The following MTA3 variants were observed in gnomAD, a reference collection of about 807,000 sequenced individuals.
The protein encoded by MTA3 is metastasis-associated protein MTA3.
MTA3 carries 34 observed loss-of-function variants against 83.5 expected under a neutral mutation model. The observed-to-expected ratio is 0.41, with a 90% CI of 0.31 to 0.54. The LOEUF (loss-of-function observed/expected upper bound fraction) is 0.54. MTA3 is among the 20% of genes least tolerant of loss of function. The pLI, the probability that MTA3 is intolerant of heterozygous loss-of-function variation, is 0.33. For synonymous variants in MTA3, 303 were observed against 252.7 expected, an observed-to-expected ratio of 1.20 and a Z score of -1.89; for missense variants, 761 against 726.4, an observed-to-expected ratio of 1.05 and a Z score of -0.55.
chr2:42,566,617 C>T (rs113963561), upstream of MTA3, among the ~76,000 whole-genome samples: 699 of 152,242 alleles, frequency 4.6e-3, 7 homozygotes, highest in African/African-American at 0.016. Flanking sequence ...GGAGTTTTCT[C>T]GGCATCTTTC....
chr2:42,612,435 T>C (rs1684339366), intron 4 of MTA3, among the ~76,000 whole-genome samples: 2 of 152,150 alleles, frequency 1.3e-5, no homozygotes, highest in Admixed American at 1.3e-4. Context: ...AGACTGGTCT[T>C]GAACTCTTGA....
At chr2:42,541,062 G>C (rs190949532) in intron 2 of MTA3, among the ~76,000 whole-genome samples, 1 of 138,150 alleles carries the variant, frequency 7.2e-6, no homozygotes, top group African/African-American at 2.7e-5. Flanking sequence ...ATGGAGTTTT[G>C]CTCTTGTTGC....
chr2:42,603,054 T>C (rs578140024), intron 3 of MTA3, among the ~76,000 whole-genome samples: 15 of 152,178 alleles, frequency 9.9e-5, no homozygotes, highest in Non-Finnish European at 1.6e-4. Flanking sequence ...GGTAGGACTT[T>C]TATGGCTTCC....
chr2:42,675,696 C>G (rs1040013710), intron 8 of MTA3, among the ~76,000 whole-genome samples: 1 of 152,084 alleles, frequency 6.6e-6, no homozygotes, highest in African/African-American at 2.4e-5. Context: ...TTTGTGTTAT[C>G]TTACTGATAA....
rs1436417871 is a variant in MTA3, at chr2:42,692,714, A to G, written c.892-3051A>G. On this transcript the variant is annotated intron_variant, in intron 9 of 16. Coordinates refer to ENST00000405094, the MANE Select transcript of MTA3 (RefSeq NM_001330442.2). ...AGCGCTGGGATTACAGGCATGAGCC[A>G]CTGTGCCCAGCCAGCTATTTTGAAT... Among the ~76,000 whole-genome samples the G allele has an allele frequency of 4.6e-5, 7 of 152,324 alleles. No individual in the cohort carries two copies. In the South Asian group the frequency reaches 8.3e-4, roughly 18 times the overall value.
In MTA3 at chr2:42,659,790, G is replaced by A. The variant is rs553738783; in HGVS notation, c.630G>A (p.Leu210=). The A allele has an allele frequency of 3.1e-6, 5 of 1,605,958 alleles. No individual in the cohort carries two copies. In the African/African-American group the frequency reaches 5.4e-5, roughly 17 times the overall value. Residue 210 remains leucine (L), a synonymous_variant, in exon 8 of 17, where the codon CTG becomes CTA. Coordinates refer to ENST00000405094, the MANE Select transcript of MTA3 (RefSeq NM_001330442.2). Reference sequence around the variant, plus strand: ...CTGTTGGGACATTCGCCAGAGCCCTGGATTGCAGCAGTTCTGTGAGGCAGC... The same window carrying A: ...CTGTTGGGACATTCGCCAGAGCCCTAGATTGCAGCAGTTCTGTGAGGCAGC... ...ARAVGTFARA[L]DCSSSVRQPS... is the part of the protein sequence containing the mutation.
chr2:42,608,068 T>A (rs1008483570), intron 3 of MTA3, among the ~76,000 whole-genome samples: 1 of 152,242 alleles, frequency 6.6e-6, no homozygotes, highest in Admixed American at 6.5e-5. Flanking sequence ...TGTCTTTGGT[T>A]AGGTTGGATT....
intron 8 of MTA3, among the ~76,000 whole-genome samples, chr2:42,662,865 G>C (rs1381911684): frequency 6.6e-6 from 1 of 151,764 alleles, no homozygotes; most frequent in Non-Finnish European, 1.5e-5. Context: ...CCGAGTAGCT[G>C]GGATTACAGG....
At chr2:42,547,309 T>G (rs1432903121) in intron 2 of MTA3, among the ~76,000 whole-genome samples, 1 of 152,204 alleles carries the variant, frequency 6.6e-6, no homozygotes, top group Non-Finnish European at 1.5e-5. Context: ...AACAGCTGGC[T>G]TGGTTACAGC....
In MTA3 at chr2:42,708,037, C is replaced by T; in HGVS notation, c.1285C>T (p.Pro429Ser). The change falls in exon 13 of 17, where the codon CCT becomes TCT. Residue 429 changes from proline to serine, a missense_variant. By Grantham distance (74) the Pro-to-Ser change is moderately conservative. Coordinates refer to ENST00000405094, the MANE Select transcript of MTA3 (RefSeq NM_001330442.2). ...CCAGTCAGAAGAAGAGAAGTTATCT[C>T]CTAGCCCAACTACAGAGGTACAGTA... Reference protein sequence around the residue: ...PTQSEEEKLSPSPTTEDPRVR... With the variant: ...PTQSEEEKLSSSPTTEDPRVR... 2.5e-6 allele frequency: 4 copies of T among 1,609,600 alleles called. No individual in the cohort carries two copies. Among genetic ancestry groups the T allele is most frequent in the Non-Finnish European group, 3.4e-6 (4 of 1,178,790 alleles).
intron 14 of MTA3, among the ~76,000 whole-genome samples, chr2:42,713,693 C>G (rs1050164523): frequency 1.3e-5 from 2 of 152,154 alleles, no homozygotes; most frequent in East Asian, 3.8e-4. Context: ...TATTAACATA[C>G]TGTCTATATT....
intron 6 of MTA3, among the ~76,000 whole-genome samples, 188 bp from the exon 7 acceptor site, chr2:42,656,012 T>C (rs1689140865): frequency 6.6e-6 from 1 of 152,252 alleles, no homozygotes; most frequent in Admixed American, 6.5e-5. Context: ...TCGGTTAGTT[T>C]GGTGTCATTA....
chr2:42,669,947 T>C lies in MTA3; in HGVS notation c.702+10085T>C, dbSNP rs1242467037. Among the ~76,000 whole-genome samples, 2 of 152,118 alleles carry C rather than the reference T, an allele frequency of 1.3e-5. 1 individual carries two copies. The highest frequency in any genetic ancestry group is 1.3e-4 in the Admixed American group (2 of 15,260). The stretch of plus-strand genomic sequence containing the variant: ...AAAGATTTGTATTTACAAGTATGAG[T>C]TAGTGGAAGGCTTGTGGTTATAATT... On this transcript the variant is annotated intron_variant, in intron 8 of 16. Transcript: ENST00000405094.
chr2:42,722,724 GGCAACAAC>G (rs1466707758), intron 15 of MTA3, among the ~76,000 whole-genome samples, 157 bp from the exon 16 acceptor site: 12 of 152,136 alleles, frequency 7.9e-5, no homozygotes, highest in Non-Finnish European at 1.5e-4. Context: ...GCAAAGCCAT[GGCAACAAC>G]ACTTGAAGCT....
chr2:42,720,701 G>A (rs1667340844), intron 15 of MTA3, among the ~76,000 whole-genome samples: 1 of 151,848 alleles, frequency 6.6e-6, no homozygotes. Flanking sequence ...GCTCATGCCT[G>A]TAATCCCAGT....
At chr2:42,618,334 C>G (rs562305698) in intron 4 of MTA3, among the ~76,000 whole-genome samples, 24 of 152,170 alleles carry the variant, frequency 1.6e-4, no homozygotes, top group Admixed American at 5.2e-4. Flanking sequence ...CTTAGGGGAA[C>G]ATATTTCAAA....
At chr2:42,574,406 G>C (rs577637063) in intron 2 of MTA3, among the ~76,000 whole-genome samples, 1 of 151,636 alleles carries the variant, frequency 6.6e-6, no homozygotes, top group Non-Finnish European at 1.5e-5. Context: ...GATTACAGGC[G>C]TGAGCCACCA....
At chr2:42,700,636 G>C (rs575429267) in intron 11 of MTA3, among the ~76,000 whole-genome samples, 1 of 152,120 alleles carries the variant, frequency 6.6e-6, no homozygotes, top group African/African-American at 2.4e-5. Context: ...TAAACCTCTG[G>C]CCAGTCATTT....
At chr2:42,681,066 C>G (rs1331037635) in intron 8 of MTA3, among the ~76,000 whole-genome samples, 2 of 152,146 alleles carry the variant, frequency 1.3e-5, no homozygotes, top group East Asian at 1.9e-4. Context: ...GTAAGCTAGA[C>G]CTAAGTAACT....
Sources: gnomAD v4.1 joint callset for allele counts (sites outside exome capture counted in the v4.1 genomes callset) on GRCh38, gnomAD v4.1.1 for gene constraint, MANE v1.5 for transcripts, NCBI Gene and HGNC (gene_info 2026-07-23, HGNC 2026-07-21) for gene names.